The following KLHL28 variants were observed in gnomAD, a reference collection of about 807,000 sequenced individuals.
KLHL28 encodes the protein kelch like family member 28.
A neutral mutation model predicts 48.3 loss-of-function variants in KLHL28; 22 were observed. That is an observed-to-expected ratio of 0.46 (90% CI 0.33 to 0.65). The LOEUF is 0.65. KLHL28 is among the 30% of genes least tolerant of loss of function. KLHL28 has a pLI of 0.03. For missense variants in KLHL28, 527 were observed against 704.3 expected, an observed-to-expected ratio of 0.75 and a Z score of 2.85; for synonymous variants, 243 against 242.4, an observed-to-expected ratio of 1.00 and a Z score of -0.02.
intron 2 of KLHL28, among the ~76,000 whole-genome samples, chr14:44,943,027 A>C (rs1249548068): frequency 6.6e-6 from 1 of 152,200 alleles, no homozygotes; most frequent in Non-Finnish European, 1.5e-5. Context: ...TGCAATAAAC[A>C]GCTCTATGCA....
chr14:44,938,552 A>T (rs1311221780), intron 2 of KLHL28, among the ~76,000 whole-genome samples: 1 of 152,080 alleles, frequency 6.6e-6, no homozygotes, highest in Non-Finnish European at 1.5e-5. Context: ...TTGTATTTTT[A>T]GTAGAGATGG....
chr14:44,957,543 A>G (rs1414133674), intron 1 of KLHL28, among the ~76,000 whole-genome samples: 1 of 152,224 alleles, frequency 6.6e-6, no homozygotes, highest in Admixed American at 6.5e-5. Context: ...GAATCAATTT[A>G]TAATTGTTAT....
chr14:44,936,971 A>G (rs1883852045), intron 2 of KLHL28, among the ~76,000 whole-genome samples: 2 of 152,166 alleles, frequency 1.3e-5, no homozygotes, highest in South Asian at 4.1e-4. Context: ...AGAAAAAACC[A>G]CTGTCAAAGA....
intron 2 of KLHL28, among the ~76,000 whole-genome samples, chr14:44,935,225 A>C (rs550093841): frequency 6.6e-6 from 1 of 152,226 alleles, no homozygotes; most frequent in Non-Finnish European, 1.5e-5. Context: ...ATTCAAAAGG[A>C]TATCAATTAA....
intron 1 of KLHL28, among the ~76,000 whole-genome samples, chr14:44,948,402 T>C (rs992912753): frequency 6.6e-6 from 1 of 152,112 alleles, no homozygotes; most frequent in Non-Finnish European, 1.5e-5. Context: ...TTTGGAAATA[T>C]AAGGTAATGA....
chr14:44,945,029 C>T lies in KLHL28; in HGVS notation c.899+1G>A. 1 of 1,578,130 alleles carries T rather than the reference C, an allele frequency of 6.3e-7. No homozygotes were observed. The highest frequency in any genetic ancestry group is 8.7e-7 in the Non-Finnish European group (1 of 1,155,526). On this transcript the variant is annotated splice_donor_variant, in intron 2 of 4. Transcript: ENST00000396128. LOFTEE classifies it high-confidence loss of function. ...TTCATTTAGGAAAGCCTTCTATTTA[C>T]CTATCCAAACAGGCAAAGAGTCCAG...
Position 44,934,264 on chromosome 14 carries a change from A to G in KLHL28, c.1194T>C (p.Ser398=). 1 of 1,614,154 alleles carries G rather than the reference A, an allele frequency of 6.2e-7. No individual in the cohort carries two copies. The highest frequency in any genetic ancestry group is 8.5e-7 in the Non-Finnish European group (1 of 1,180,014). Reference sequence around the variant, plus strand: ...TGTACTTCTCTACAGATTGTAAATAAGATTGTCCATCATAACCACCTAAGG... The same window carrying G: ...TGTACTTCTCTACAGATTGTAAATAGGATTGTCCATCATAACCACCTAAGG... ...LYALGGYDGQ[S]YLQSVEKYIP... The change falls in exon 3 of 5, where the codon TCT becomes TCC. Residue 398 remains serine (S), a synonymous_variant. Transcript: ENST00000396128.
chr14:44,931,365 G>C lies in KLHL28; in HGVS notation c.1520C>G (p.Thr507Ser), dbSNP rs1247564932. Residue 507 changes from threonine to serine, a missense_variant, in exon 4 of 5, where the codon ACT (threonine) becomes AGT (serine). By Grantham distance (58) the Thr-to-Ser change is moderately conservative. Coordinates refer to ENST00000396128, the MANE Select transcript of KLHL28 (RefSeq NM_017658.5). Reference sequence around the variant, plus strand: ...AGGTTCTTTCATTGGTCTACACACAGTCCACTGATTTTGATGAGGATCGTA... The same window carrying C: ...AGGTTCTTTCATTGGTCTACACACACTCCACTGATTTTGATGAGGATCGTA... ...ERYDPHQNQWTVCRPMKEPRT... is the reference protein window; with the variant it reads ...ERYDPHQNQWSVCRPMKEPRT... 4 of 1,613,454 alleles carry C rather than the reference G, an allele frequency of 2.5e-6. No homozygotes were observed. Among genetic ancestry groups the C allele is most frequent in the Non-Finnish European group, 8.5e-7 (1 of 1,179,632 alleles).
rs568603519 is a variant in KLHL28, at chr14:44,925,051, A to G, written c.*3977T>C. 2.6e-5 allele frequency: 4 copies of G among 152,736 alleles called. No homozygotes were observed. In the South Asian group the frequency reaches 8.3e-4, roughly 32 times the overall value. The allele number at this position is 152,736 out of a possible 1,614,324, so 9.5% of individuals were successfully genotyped here. A position where few individuals can be genotyped will look rare whatever the true frequency, so the allele number is the denominator to read the frequency against. Reference sequence around the variant, plus strand: ...CATGGAATAATTGTTATCTAATTAAATCATGTCTAATTAAAGTGCTGTTTA... The same window carrying G: ...CATGGAATAATTGTTATCTAATTAAGTCATGTCTAATTAAAGTGCTGTTTA... On this transcript the variant is annotated 3_prime_UTR_variant, in exon 5 of 5. Coordinates refer to ENST00000396128, the MANE Select transcript of KLHL28 (RefSeq NM_017658.5).
intron 1 of KLHL28, among the ~76,000 whole-genome samples, chr14:44,960,074 TTCAA>T (rs1449780127): frequency 7.9e-5 from 12 of 152,234 alleles, no homozygotes; most frequent in African/African-American, 2.4e-4. Flanking sequence ...CTTCTAAGTC[TTCAA>T]TCAAAGAGAC....
At chr14:44,960,999 C>CAAA in intron 1 of KLHL28, 1 of 663,298 alleles carries the variant, frequency 1.5e-6, no homozygotes, top group Non-Finnish European at 2.4e-6. Context: ...ATTATTCCTT[C>CAAA]AAAAAAAAAA....
chr14:44,930,134 G>C (rs564908013), intron 4 of KLHL28, among the ~76,000 whole-genome samples: 1 of 152,000 alleles, frequency 6.6e-6, no homozygotes, highest in Non-Finnish European at 1.5e-5. Flanking sequence ...CCCTCTCAAG[G>C]ATACAAAAGA....
At chr14:44,934,896 C>G (rs1566564306) in intron 2 of KLHL28, among the ~76,000 whole-genome samples, 1 of 152,124 alleles carries the variant, frequency 6.6e-6, no homozygotes, top group East Asian at 1.9e-4. Flanking sequence ...AATTTTGCAT[C>G]TAGATAAATA....
At chr14:44,933,590 C>T (rs1312128565) in intron 3 of KLHL28, among the ~76,000 whole-genome samples, 1 of 152,062 alleles carries the variant, frequency 6.6e-6, no homozygotes, top group Non-Finnish European at 1.5e-5. Flanking sequence ...CTCCTTTATT[C>T]AGATAAAACT....
Position 44,927,108 on chromosome 14 carries a change from T to A in KLHL28, c.*1920A>T, listed in dbSNP as rs1883398751. 1 of 152,622 alleles carries A rather than the reference T, an allele frequency of 6.6e-6. No homozygotes were observed. 9.5% of individuals were successfully genotyped at this position (152,622 alleles called of 1,614,324 possible). A position where few individuals can be genotyped will look rare whatever the true frequency, so the allele number is the denominator to read the frequency against. On this transcript the variant is annotated 3_prime_UTR_variant, in exon 5 of 5. Transcript: ENST00000396128. ...ACATAGAAAATACTCAGACTATCAA[T>A]TGTTATTAGTTGCTCCTGTTGAGTT...
intron 1 of KLHL28, among the ~76,000 whole-genome samples, chr14:44,952,846 A>G (rs540719288): frequency 6.6e-6 from 1 of 152,128 alleles, no homozygotes; most frequent in Non-Finnish European, 1.5e-5. Flanking sequence ...ACAGTTTTAC[A>G]CTGGCAGTTT....
chr14:44,961,024 A>G (rs1380049023), intron 1 of KLHL28: 1 of 691,166 alleles, frequency 1.4e-6, no homozygotes, highest in Non-Finnish European at 2.5e-6. Context: ...TCTCTTCCAC[A>G]CTCCAAAGCA....
chr14:44,953,921 C>T (rs1223700148), intron 1 of KLHL28, among the ~76,000 whole-genome samples: 1 of 151,802 alleles, frequency 6.6e-6, no homozygotes, highest in Admixed American at 6.6e-5. Context: ...ATAAATGAGA[C>T]TGAGAAAAAT....
Position 44,945,716 on chromosome 14 carries a change from T to C in KLHL28, c.213A>G (p.Lys71=). 6.2e-7 allele frequency: 1 copy of C among 1,614,154 alleles called. No individual in the cohort carries two copies. Among genetic ancestry groups the C allele is most frequent in the South Asian group, 1.1e-5 (1 of 91,084 alleles). The change falls in exon 2 of 5, where the codon AAA becomes AAG. Residue 71 remains lysine, a synonymous_variant. Coordinates refer to ENST00000396128, the MANE Select transcript of KLHL28 (RefSeq NM_017658.5). ...ATTGAAACTCAACCTCACTGTTCTCTTTTTCAGAAAGGTTTCCAGTGAACA... is the reference window on the plus strand; with the variant it reads ...ATTGAAACTCAACCTCACTGTTCTCCTTTTCAGAAAGGTTTCCAGTGAACA... ...KAMFTGNLSE[K]ENSEVEFQCI...
Sources: allele counts gnomAD v4.1 joint callset (sites outside exome capture counted in the v4.1 genomes callset), GRCh38; gene constraint gnomAD v4.1.1; transcripts MANE v1.5; gene names NCBI Gene and HGNC (gene_info 2026-07-23, HGNC 2026-07-21).